Variants in ZNF44 observed in about 807,000 individuals in gnomAD.
ZNF44 encodes gonadotropin inducible transcription repressor-2.
Under a neutral mutation model 11.7 loss-of-function variants are expected in ZNF44, and 9 were observed. The ratio of observed to expected loss-of-function variants is 0.77; its 90% confidence interval spans 0.46 to 1.35. ZNF44 has a LOEUF of 1.35. Ranked by LOEUF, ZNF44 falls within the 40% of genes most tolerant of loss-of-function variation. ZNF44 has a pLI of 0.00. For synonymous variants in ZNF44, 224 were observed against 242.7 expected (o/e 0.92, Z 0.72); for missense variants, 696 against 743.1 (o/e 0.94, Z 0.74).
At chr19:12,293,600 C>G (rs1044408776) in intron 1 of ZNF44, among the ~76,000 whole-genome samples, 6 of 152,090 alleles carry the variant, frequency 3.9e-5, no homozygotes, top group African/African-American at 1.4e-4. Flanking sequence ...CGACAAAATT[C>G]TGTGTCTATT....
chr19:12,252,623 T>TA (rs1917053819), intron 5 of ZNF44, among the ~76,000 whole-genome samples: 1 of 152,096 alleles, frequency 6.6e-6, no homozygotes, highest in African/African-American at 2.4e-5. Context: ...GAATTGGGAA[T>TA]ACTCTATTAT....
intron 5 of ZNF44, chr19:12,266,440 G>C (rs73004260): frequency 3.3e-5 from 21 of 627,926 alleles, no homozygotes; most frequent in East Asian, 2.8e-4. Flanking sequence ...CAAACCCACG[G>C]GCTTTAGCGC....
chr19:12,257,192 T>A (rs1917296742), intron 5 of ZNF44, among the ~76,000 whole-genome samples: 1 of 152,196 alleles, frequency 6.6e-6, no homozygotes, highest in African/African-American at 2.4e-5. Context: ...AAATAGAGAC[T>A]GAACAAAACC....
intron 5 of ZNF44, among the ~76,000 whole-genome samples, chr19:12,261,631 G>C (rs1917515869): frequency 6.6e-6 from 1 of 152,130 alleles, no homozygotes; most frequent in South Asian, 2.1e-4. Flanking sequence ...CATGTCCTCT[G>C]TCTCTAACAA....
chr19:12,229,674 C>T (rs773677044), intron 3 of ZNF44, among the ~76,000 whole-genome samples: 3 of 151,192 alleles, frequency 2.0e-5, no homozygotes, highest in South Asian at 2.1e-4. Context: ...AGTGTAGTGG[C>T]GTGATCTCTG....
At chr19:12,261,797 G>GTA (rs1917520608) in intron 5 of ZNF44, among the ~76,000 whole-genome samples, 2 of 152,104 alleles carry the variant, frequency 1.3e-5, no homozygotes, top group Non-Finnish European at 2.9e-5. Context: ...GAGCACTAGG[G>GTA]TAAACCAGGA....
intron 1 of ZNF44, chr19:12,237,120 C>G (rs944544844): frequency 6.6e-6 from 1 of 152,332 alleles, no homozygotes; most frequent in Non-Finnish European, 1.5e-5. Context: ...CCCCACAGAC[C>G]GCAGCTCCTC....
rs1400444263 is a variant in ZNF44, at chr19:12,248,141, A to G, written c.*724T>C. 3 of 1,303,846 alleles carry G rather than the reference A, an allele frequency of 2.3e-6. No homozygotes were observed. In the Admixed American group the frequency reaches 6.8e-5, roughly 30 times the overall value. 80.8% of individuals were successfully genotyped at this position (1,303,846 alleles called of 1,614,324 possible). A position where few individuals can be genotyped will look rare whatever the true frequency, so the allele number is the denominator to read the frequency against. On this transcript the variant is annotated 3_prime_UTR_variant and NMD_transcript_variant, in exon 8 of 8. Transcript: ENST00000393337. ...GTTTCTGTACAGTGTGATTCCTTTCATGTGCTCGAGCAGAATGGCGGTAAA... is the reference window on the plus strand; with the variant it reads ...GTTTCTGTACAGTGTGATTCCTTTCGTGTGCTCGAGCAGAATGGCGGTAAA...
intron 5 of ZNF44, among the ~76,000 whole-genome samples, chr19:12,266,478 G>C (rs1167754178): frequency 6.6e-6 from 1 of 152,196 alleles, no homozygotes; most frequent in Non-Finnish European, 1.5e-5. Flanking sequence ...CCTACAGCAC[G>C]CCTGATTGGA....
rs769438121 is a variant in ZNF44 at position 12,276,077 on chromosome 19, T to C, written c.9A>G (p.Ser3=). The C allele has an allele frequency of 1.2e-6, 2 of 1,604,602 alleles. No individual in the cohort carries two copies. The highest frequency in any genetic ancestry group is 1.7e-6 in the Non-Finnish European group (2 of 1,173,620). Residue 3 remains serine (S), a synonymous_variant, in exon 2 of 4, where the codon TCA becomes TCG. Transcript: ENST00000355684. MD[S]VAFEDVAVNF... is the part of the protein sequence containing the mutation. ...TCACAGCCACATCCTCAAAGGCCAC[T>C]GAGTCCTGAAACATCCCATATGTCC...
At chr19:12,227,226 G>A (rs1253660566) in intron 3 of ZNF44, among the ~76,000 whole-genome samples, 2 of 152,250 alleles carry the variant, frequency 1.3e-5, no homozygotes, top group African/African-American at 4.8e-5. Flanking sequence ...AAGGGCACCT[G>A]TTAGACCTTT....
intron 3 of ZNF44, among the ~76,000 whole-genome samples, chr19:12,228,183 T>C (rs1257995921): frequency 9.4e-6 from 1 of 105,846 alleles, no homozygotes; most frequent in African/African-American, 4.6e-5. Context: ...ACTTAACTTT[T>C]TTAAACCTTC....
chr19:12,262,613 T>A (rs1027687191), intron 5 of ZNF44, among the ~76,000 whole-genome samples: 7 of 152,020 alleles, frequency 4.6e-5, no homozygotes, highest in Non-Finnish European at 1.0e-4. Context: ...AAATGTCACA[T>A]CCTCTAGGGC....
chr19:12,232,214 C>T (rs1167951126), intron 2 of ZNF44, among the ~76,000 whole-genome samples: 3 of 152,348 alleles, frequency 2.0e-5, no homozygotes, highest in Non-Finnish European at 4.4e-5. Context: ...AGCCTTAAGG[C>T]GGTTTTTCCC....
chr19:12,294,601 G>A, intron 1 of ZNF44, 91 bp downstream of exon 1: 2 of 1,508,240 alleles, frequency 1.3e-6, no homozygotes, highest in South Asian at 1.2e-5. Flanking sequence ...CAAAGACGCT[G>A]CGGCGAGGCC....
chr19:12,242,632 T>A (rs982123270), intron 6 of ZNF44: 8 of 123,628 alleles, frequency 6.5e-5, no homozygotes, highest in Admixed American at 1.0e-4. Flanking sequence ...GTCTGGGCAA[T>A]ATAGTAAGAC....
downstream of ZNF44, chr19:12,271,761 G>A (rs893342453): frequency 6.6e-6 from 1 of 152,120 alleles, no homozygotes; most frequent in African/African-American, 2.4e-5. Flanking sequence ...AACACATATA[G>A]ATTTTTTTTC....
intron 2 of ZNF44, among the ~76,000 whole-genome samples, chr19:12,275,372 G>A (rs1967170871): frequency 6.6e-6 from 1 of 152,142 alleles, no homozygotes; most frequent in South Asian, 2.1e-4. Flanking sequence ...CTCTAGGCCG[G>A]GCATAGTGGC....
At chr19:12,266,112 G>A (rs1246899765) in intron 5 of ZNF44, among the ~76,000 whole-genome samples, 1 of 152,116 alleles carries the variant, frequency 6.6e-6, no homozygotes, top group East Asian at 1.9e-4. Context: ...CTGCCGGCCG[G>A]ACCAGGGCCA....
Sources: allele counts gnomAD v4.1 joint callset (sites outside exome capture counted in the v4.1 genomes callset), GRCh38; gene constraint gnomAD v4.1.1; transcripts MANE v1.5; gene names NCBI Gene and HGNC (gene_info 2026-07-23, HGNC 2026-07-21).